Variants in WDR7 observed in about 807,000 individuals in gnomAD.
WDR7 encodes the protein WD repeat-containing protein 7.
WDR7 carries 46 observed loss-of-function variants against 169.4 expected under a neutral mutation model. The ratio of observed to expected loss-of-function variants is 0.27; its 90% confidence interval spans 0.21 to 0.35. The LOEUF (loss-of-function observed/expected upper bound fraction) is 0.35. Ranked by LOEUF, WDR7 falls within the 10% of genes least tolerant of loss-of-function variation. The pLI is 1.00. For synonymous variants in WDR7, 612 were observed against 666.8 expected (o/e 0.92, Z 1.27); for missense variants, 1,534 against 1,859.3 (o/e 0.83, Z 3.22).
chr18:56,986,178 GTA>G (rs1205107552), intron 26 of WDR7, among the ~76,000 whole-genome samples: 177 of 109,236 alleles, frequency 1.6e-3, no homozygotes, highest in Middle Eastern at 5.3e-3. Flanking sequence ...GTGTGTGTGT[GTA>G]TACATATTCA....
chr18:56,821,281 G>A (rs559306536), intron 20 of WDR7, among the ~76,000 whole-genome samples: 1 of 152,266 alleles, frequency 6.6e-6, no homozygotes, highest in East Asian at 1.9e-4. Context: ...AATATCACTT[G>A]ACAACTTTCT....
intron 1 of WDR7, among the ~76,000 whole-genome samples, chr18:56,659,588 C>G (rs1166858536): frequency 6.6e-6 from 1 of 152,170 alleles, no homozygotes; most frequent in Non-Finnish European, 1.5e-5. Context: ...TCAGGAAACT[C>G]TTCACTAAAA....
intron 14 of WDR7, among the ~76,000 whole-genome samples, chr18:56,734,324 T>G (rs1016832934): frequency 1.3e-5 from 2 of 152,072 alleles, no homozygotes; most frequent in African/African-American, 2.4e-5. Context: ...CAGATTGACA[T>G]TTTGGGATGG....
At chr18:57,025,463 A>T (rs1365469238) in intron 27 of WDR7, among the ~76,000 whole-genome samples, 3 of 152,188 alleles carry the variant, frequency 2.0e-5, no homozygotes, top group Non-Finnish European at 4.4e-5. Flanking sequence ...AAAAGGAGAG[A>T]AGGAAGCAAA....
At chr18:56,654,285 C>T (rs1477523784) in intron 1 of WDR7, among the ~76,000 whole-genome samples, 1 of 152,116 alleles carries the variant, frequency 6.6e-6, no homozygotes, top group East Asian at 1.9e-4. Flanking sequence ...GCACGCGCCA[C>T]TACGCCCAGC....
At chr18:57,003,022 C>T (rs1276830583) in intron 26 of WDR7, among the ~76,000 whole-genome samples, 1 of 152,120 alleles carries the variant, frequency 6.6e-6, no homozygotes, top group Non-Finnish European at 1.5e-5. Context: ...TAATTTTATA[C>T]AACATTTATG....
intron 19 of WDR7, among the ~76,000 whole-genome samples, chr18:56,783,442 T>C (rs1188366926): frequency 1.3e-5 from 2 of 152,076 alleles, no homozygotes; most frequent in Non-Finnish European, 2.9e-5. Flanking sequence ...ATCCCCAAAA[T>C]TAAGGACAAA....
chr18:56,895,508 A>G (rs2046321233), intron 21 of WDR7, among the ~76,000 whole-genome samples: 1 of 151,680 alleles, frequency 6.6e-6, no homozygotes, highest in Non-Finnish European at 1.5e-5. Flanking sequence ...CAGTGAATAG[A>G]TATTTGTGTG....
the WDR7 span, chr18:57,034,948 G>A: frequency 6.6e-6 from 1 of 152,034 alleles, no homozygotes; most frequent in African/African-American, 2.4e-5. Context: ...TCTGCCCCAG[G>A]GTCAGAGCCC....
chr18:56,731,305 CA>C (rs1327938892), intron 13 of WDR7, 77 bp from the exon 14 acceptor site: 7 of 1,485,394 alleles, frequency 4.7e-6, no homozygotes, highest in Non-Finnish European at 5.4e-6. Context: ...AAAAAATTTT[CA>C]TACCATTTTT....
chr18:56,845,430 A>T (rs1270699281), intron 20 of WDR7, among the ~76,000 whole-genome samples: 1 of 152,110 alleles, frequency 6.6e-6, no homozygotes, highest in Non-Finnish European at 1.5e-5. Context: ...AATAGAATTT[A>T]TAAAAAGTAA....
At chr18:56,709,190 T>A (rs2026029888) in intron 12 of WDR7, among the ~76,000 whole-genome samples, 1 of 152,214 alleles carries the variant, frequency 6.6e-6, no homozygotes. Context: ...TTTATTAATG[T>A]AATTTATGGT....
At chr18:56,727,556 C>T (rs2026487475) in intron 13 of WDR7, among the ~76,000 whole-genome samples, 1 of 152,116 alleles carries the variant, frequency 6.6e-6, no homozygotes, top group Non-Finnish European at 1.5e-5. Context: ...GGGAAAGCCC[C>T]TTGTAAAATC....
intron 25 of WDR7, among the ~76,000 whole-genome samples, chr18:56,952,131 G>A (rs2047192487): frequency 6.6e-6 from 1 of 152,174 alleles, no homozygotes; most frequent in Non-Finnish European, 1.5e-5. Flanking sequence ...AGAGTGAAAA[G>A]GGCAAATAAC....
intron 25 of WDR7, among the ~76,000 whole-genome samples, chr18:56,945,931 A>G (rs939921037): frequency 2.0e-5 from 3 of 152,238 alleles, no homozygotes; most frequent in Non-Finnish European, 4.4e-5. Flanking sequence ...TAAACTCAGA[A>G]TTTCTAAGGA....
At chr18:56,758,798 A>G in intron 15 of WDR7, 67 bp from the exon 16 acceptor site, 2 of 1,273,494 alleles carry the variant, frequency 1.6e-6, no homozygotes, top group Non-Finnish European at 2.2e-6. Flanking sequence ...AAAATTTTTT[A>G]TTTTAAATAG....
intron 20 of WDR7, among the ~76,000 whole-genome samples, chr18:56,847,845 A>C (rs1410411359): frequency 6.6e-6 from 1 of 152,238 alleles, no homozygotes; most frequent in African/African-American, 2.4e-5. Flanking sequence ...AGAGTCAAGG[A>C]GACTTGAAAG....
At chr18:56,812,833 G>A (rs575396682) in intron 19 of WDR7, among the ~76,000 whole-genome samples, 3 of 152,124 alleles carry the variant, frequency 2.0e-5, no homozygotes, top group South Asian at 2.1e-4. Flanking sequence ...ATTGAGTGCC[G>A]ATTTTTCCCA....
chr18:56,902,058 G>T (rs1275244122), intron 21 of WDR7, among the ~76,000 whole-genome samples: 1 of 152,108 alleles, frequency 6.6e-6, no homozygotes, highest in Non-Finnish European at 1.5e-5. Flanking sequence ...TACTTTGTCT[G>T]ACTGACCATC....
Sources: gnomAD v4.1 joint callset for allele counts (sites outside exome capture counted in the v4.1 genomes callset) on GRCh38, gnomAD v4.1.1 for gene constraint, MANE v1.5 for transcripts, NCBI Gene and HGNC (gene_info 2026-07-23, HGNC 2026-07-21) for gene names.